NPFFR2: variants seen among roughly 807,000 people sequenced by gnomAD.
The protein encoded by NPFFR2 is neuropeptide FF receptor 2.
NPFFR2 carries 15 observed loss-of-function variants against 13.1 expected under a neutral mutation model. That is an observed-to-expected ratio of 1.15 (90% CI 0.77 to 1.76). The LOEUF is 1.76. NPFFR2 is among the 40% of genes most tolerant of loss of function. The pLI is 0.00. For synonymous variants in NPFFR2, 190 were observed against 175.7 expected (o/e 1.08, Z -0.65); for missense variants, 572 against 503.5 (o/e 1.14, Z -1.30).
chr4:72,104,945 G>A (rs1391514703), intron 1 of NPFFR2, among the ~76,000 whole-genome samples: 1 of 146,526 alleles, frequency 6.8e-6, no homozygotes, highest in Non-Finnish European at 1.5e-5. Flanking sequence ...AGAAACATAT[G>A]TACATAAAGA....
At chr4:72,131,751 G>A (rs1419350381) in intron 2 of NPFFR2, among the ~76,000 whole-genome samples, 2 of 152,132 alleles carry the variant, frequency 1.3e-5, no homozygotes, top group Non-Finnish European at 2.9e-5. Flanking sequence ...GCATGGAAAT[G>A]TAAATTTTTG....
chr4:72,041,128 T>A (rs1284212513), intron 1 of NPFFR2, among the ~76,000 whole-genome samples: 4 of 152,136 alleles, frequency 2.6e-5, no homozygotes, highest in Non-Finnish European at 5.9e-5. Context: ...ATACGTAATT[T>A]TTCAACCCTT....
chr4:72,146,689 G>A (rs1333848105), intron 3 of NPFFR2: 7 of 322,332 alleles, frequency 2.2e-5, no homozygotes, highest in East Asian at 1.1e-4. Flanking sequence ...GACGGTCCAT[G>A]CAAATTAATG....
At chr4:72,104,099 G>T (rs116376056) in intron 1 of NPFFR2, among the ~76,000 whole-genome samples, 1 of 151,968 alleles carries the variant, frequency 6.6e-6, no homozygotes, top group Non-Finnish European at 1.5e-5. Flanking sequence ...CAAATGGCAA[G>T]GTTCACCATC....
rs1244721024 is a variant in NPFFR2 at position 72,129,524 on chromosome 4, G to T, written c.328+605G>T. ...CATCATAGACAATGTAAAGGATTAA[G>T]TGCTGTGCTTTTAGATATGCATACA... On this transcript the variant is annotated intron_variant, in intron 2 of 3. Coordinates refer to ENST00000308744, the MANE Select transcript of NPFFR2 (RefSeq NM_004885.3). Among the ~76,000 whole-genome samples the T allele has an allele frequency of 1.0e-4, 6 of 59,858 alleles. No homozygotes were observed. In the East Asian group the frequency reaches 2.0e-3, roughly 20 times the overall value. The allele number at this position is 59,858 out of a possible 152,430, so 39.3% of individuals were successfully genotyped here.
At chr4:72,107,717 G>T (rs1379930163) in intron 1 of NPFFR2, among the ~76,000 whole-genome samples, 3 of 151,820 alleles carry the variant, frequency 2.0e-5, no homozygotes, top group East Asian at 1.9e-4. Flanking sequence ...TACATGAAAA[G>T]AACTCCTCAA....
intron 1 of NPFFR2, among the ~76,000 whole-genome samples, chr4:72,057,148 A>G (rs1404972078): frequency 6.6e-6 from 1 of 151,102 alleles, no homozygotes; most frequent in Non-Finnish European, 1.5e-5. Context: ...ACTAACAAAT[A>G]CAAAAGAAAT....
chr4:72,130,363 G>A (rs1218321832), intron 2 of NPFFR2, among the ~76,000 whole-genome samples: 3 of 152,132 alleles, frequency 2.0e-5, no homozygotes, highest in Non-Finnish European at 4.4e-5. Context: ...TAGCTAGAGA[G>A]ATTTCCAACA....
At chr4:72,055,089 G>A (rs537918287) in intron 1 of NPFFR2, among the ~76,000 whole-genome samples, 32 of 151,954 alleles carry the variant, frequency 2.1e-4, no homozygotes, top group African/African-American at 6.5e-4. Flanking sequence ...ATCTTAAAAA[G>A]CATTAGACTA....
intron 2 of NPFFR2, among the ~76,000 whole-genome samples, chr4:72,134,793 C>G (rs1383613398): frequency 1.3e-5 from 2 of 152,058 alleles, no homozygotes; most frequent in African/African-American, 4.8e-5. Flanking sequence ...TTTCTGTTCT[C>G]TTTATAGGAA....
intron 1 of NPFFR2, among the ~76,000 whole-genome samples, chr4:72,056,279 A>T (rs1005748554): frequency 1.3e-5 from 2 of 151,996 alleles, no homozygotes; most frequent in African/African-American, 4.8e-5. Context: ...CTTAAGAATT[A>T]TGCTAAATAT....
At chr4:72,085,457 T>C (rs28607454) in intron 1 of NPFFR2, among the ~76,000 whole-genome samples, 3,960 of 152,264 alleles carry the variant, frequency 0.026, 136 homozygotes, top group African/African-American at 0.079. Context: ...TATTTTATGT[T>C]TTTTCTCTTT....
chr4:72,143,397 G>A (rs1722690269), intron 3 of NPFFR2, among the ~76,000 whole-genome samples: 1 of 152,130 alleles, frequency 6.6e-6, no homozygotes, highest in Non-Finnish European at 1.5e-5. Flanking sequence ...CCTGTGGGCA[G>A]GAGAATATGA....
At position 72,111,221 on chromosome 4, in the gene NPFFR2, G is replaced by C. The variant is rs995954000; in HGVS notation, c.-7-17364G>C. Among the ~76,000 whole-genome samples, 64 of 152,116 alleles carry C rather than the reference G, an allele frequency of 4.2e-4. 1 individual carries two copies. The highest frequency in any genetic ancestry group is 1.3e-3 in the African/African-American group (54 of 41,532). On this transcript the variant is annotated intron_variant, in intron 1 of 3. Coordinates refer to ENST00000308744, the MANE Select transcript of NPFFR2 (RefSeq NM_004885.3). ...ATTTACTAACTTGCTTTGCATATTT[G>C]TTAAGTCCAGGTCCCACTTCATGAA... is the stretch of plus-strand genomic sequence containing the variant.
intron 1 of NPFFR2, among the ~76,000 whole-genome samples, chr4:72,034,761 G>A (rs992629690): frequency 2.0e-5 from 3 of 152,008 alleles, no homozygotes; most frequent in Admixed American, 2.0e-4. Context: ...TTTTCCAATT[G>A]CCTTGAAACT....
At chr4:72,060,011 G>C (rs1719875076) in intron 1 of NPFFR2, among the ~76,000 whole-genome samples, 1 of 152,096 alleles carries the variant, frequency 6.6e-6, no homozygotes, top group African/African-American at 2.4e-5. Flanking sequence ...ATTTGAGGCA[G>C]TGATATATGA....
At chr4:72,113,150 A>C (rs1721613204) in intron 1 of NPFFR2, among the ~76,000 whole-genome samples, 1 of 152,110 alleles carries the variant, frequency 6.6e-6, no homozygotes. Flanking sequence ...TGTTTATGCT[A>C]CTTTGTGAAG....
In NPFFR2 at chr4:72,147,440, A is replaced by C; in HGVS notation, c.891A>C (p.Ser297=). 1 of 1,614,172 alleles carries C rather than the reference A, an allele frequency of 6.2e-7. No homozygotes were observed. The highest frequency in any genetic ancestry group is 8.5e-7 in the Non-Finnish European group (1 of 1,180,026). ...WLPLWTLMML[S]DYADLSPNEL... Reference sequence around the variant, plus strand: ...CCCTGTGGACTCTAATGATGCTCTCAGACTACGCTGACCTTTCTCCAAATG... The same window carrying C: ...CCCTGTGGACTCTAATGATGCTCTCCGACTACGCTGACCTTTCTCCAAATG... The change falls in exon 4 of 4, where the codon TCA becomes TCC. Residue 297 remains serine (S), a synonymous_variant. Transcript: ENST00000308744.
intron 1 of NPFFR2, among the ~76,000 whole-genome samples, chr4:72,090,436 T>C (rs376377510): frequency 3.3e-5 from 5 of 152,328 alleles, no homozygotes; most frequent in African/African-American, 9.6e-5. Context: ...TTTACAGTAC[T>C]GATTCTACCC....
Sources: allele counts gnomAD v4.1 joint callset (sites outside exome capture counted in the v4.1 genomes callset), GRCh38; gene constraint gnomAD v4.1.1; transcripts MANE v1.5; gene names NCBI Gene and HGNC (gene_info 2026-07-23, HGNC 2026-07-21).